FAM193A: variants seen among roughly 807,000 people sequenced by gnomAD.
FAM193A encodes protein FAM193A.
A neutral mutation model predicts 126.5 loss-of-function variants in FAM193A; 22 were observed. The ratio of observed to expected loss-of-function variants is 0.17; its 90% CI spans 0.12 to 0.25. The LOEUF is 0.25. Among genes scored for constraint, FAM193A ranks in the 10% least tolerant of loss-of-function variants. The probability of loss-of-function intolerance (pLI) is 1.00; values close to 1 mark genes in which losing one functional copy is unlikely to be tolerated. For missense variants in FAM193A, 1,675 were observed against 1,672.8 expected (o/e 1.00, Z -0.02); for synonymous variants, 761 against 646.8 (o/e 1.18, Z -2.68).
chr4:2,577,118 C>T (rs1014983700), intron 1 of FAM193A, among the ~76,000 whole-genome samples: 4 of 151,932 alleles, frequency 2.6e-5, no homozygotes, highest in African/African-American at 9.7e-5. Context: ...TTATGGGGTC[C>T]GTGTAATATT....
chr4:2,668,113 C>T (rs959376304), intron 12 of FAM193A, among the ~76,000 whole-genome samples: 1 of 152,004 alleles, frequency 6.6e-6, no homozygotes, highest in Non-Finnish European at 1.5e-5. Flanking sequence ...CTGTGTTGCC[C>T]AAGTTTGTCT....
At chr4:2,613,767 TC>T (rs1336498572) in intron 2 of FAM193A, among the ~76,000 whole-genome samples, 3,532 of 97,414 alleles carry the variant, frequency 0.036, 161 homozygotes, top group African/African-American at 0.16. Context: ...TTTTTTTTTT[TC>T]TTTTTCTTTT....
intron 20 of FAM193A, among the ~76,000 whole-genome samples, chr4:2,729,639 C>A (rs541096745): frequency 6.6e-6 from 1 of 152,278 alleles, no homozygotes; most frequent in Non-Finnish European, 1.5e-5. Context: ...CAGACACATA[C>A]GGATTCGCCA....
chr4:2,639,840 G>A lies in FAM193A; in HGVS notation c.1144G>A (p.Ala382Thr), dbSNP rs751278090. The A allele has an allele frequency of 2.2e-5, 36 of 1,613,760 alleles. No homozygotes were observed. The highest frequency in any genetic ancestry group is 2.5e-5 in the Non-Finnish European group (30 of 1,179,926). The part of the protein sequence containing the change: ...SEPLLQSNLP[A>T]LVSQIRLGTT... ...GCCACTTCTTCAGAGCAACTTGCCC[G>A]CACTGGTGTCACAGATCAGGTATTT... Residue 382 changes from alanine (A) to threonine (T), a missense_variant, in exon 6 of 21, where the codon GCA becomes ACA. Physicochemically the swap from Ala to Thr is moderately conservative, Grantham distance 58. Transcript: ENST00000637812.
chr4:2,658,073 T>A (rs1711928463), intron 8 of FAM193A, among the ~76,000 whole-genome samples, 193 bp downstream of exon 8: 1 of 152,220 alleles, frequency 6.6e-6, no homozygotes, highest in South Asian at 2.1e-4. Flanking sequence ...TATTTCCTTA[T>A]CTTCCATATA....
intron 19 of FAM193A, among the ~76,000 whole-genome samples, chr4:2,711,265 G>A (rs1019268488): frequency 1.3e-5 from 2 of 152,022 alleles, no homozygotes; most frequent in Non-Finnish European, 2.9e-5. Context: ...TCAGCACGTG[G>A]AACTTTCCTC....
intron 4 of FAM193A, among the ~76,000 whole-genome samples, chr4:2,626,910 T>G (rs1743021499): frequency 6.6e-6 from 1 of 152,188 alleles, no homozygotes. Context: ...ACAAGCACTC[T>G]TGCCTTTATC....
chr4:2,546,703 G>A (rs1255830980), intron 1 of FAM193A, among the ~76,000 whole-genome samples: 1 of 152,096 alleles, frequency 6.6e-6, no homozygotes, highest in Non-Finnish European at 1.5e-5. Context: ...TGAGGTTTTG[G>A]TGATTATAAA....
At chr4:2,606,874 A>G (rs1741580356) in intron 2 of FAM193A, among the ~76,000 whole-genome samples, 1 of 152,228 alleles carries the variant, frequency 6.6e-6, no homozygotes, top group Non-Finnish European at 1.5e-5. Context: ...TTTTGCTCAG[A>G]AAAATTATGA....
Position 2,676,973 on chromosome 4 carries a change from G to C in FAM193A, c.2331+4601G>C, listed in dbSNP as rs1268024579. ...AAAAAATTTTCATGCAGTCCAATTT[G>C]TCTATTCTTTGTTGCCTGTGCCTTT... On this transcript the variant is annotated intron_variant, in intron 13 of 20. Coordinates refer to ENST00000637812, the MANE Select transcript of FAM193A (RefSeq NM_001366318.2). Among the ~76,000 whole-genome samples the C allele has an allele frequency of 2.6e-5, 4 of 151,998 alleles. No homozygotes were observed. The South Asian group carries it at 8.3e-4, about 32-fold the overall frequency.
chr4:2,708,311 G>A lies in FAM193A; in HGVS notation c.4373-7712G>A, dbSNP rs996792323. On this transcript the variant is annotated intron_variant, in intron 19 of 20. Transcript: ENST00000637812. ...CAGCTAATTTTTTGTATTTAGTAGAGATAGAGTTTCACCATGTTGGTCAAG... is the reference window on the plus strand; with the variant it reads ...CAGCTAATTTTTTGTATTTAGTAGAAATAGAGTTTCACCATGTTGGTCAAG... 3 of 312,044 alleles carry A rather than the reference G, an allele frequency of 9.6e-6. No homozygotes were observed. The Admixed American group carries it at 1.2e-4, about 13-fold the overall frequency. The allele number at this position is 312,044 out of a possible 1,614,324, so 19.3% of individuals were successfully genotyped here.
chr4:2,571,654 C>T (rs1051123033), intron 1 of FAM193A, among the ~76,000 whole-genome samples: 4 of 151,790 alleles, frequency 2.6e-5, no homozygotes, highest in African/African-American at 7.3e-5. Context: ...GATTCTCTCA[C>T]CTCAGCTTCC....
At chr4:2,710,125 T>C (rs1718747154) in intron 19 of FAM193A, among the ~76,000 whole-genome samples, 1 of 151,668 alleles carries the variant, frequency 6.6e-6, no homozygotes, top group African/African-American at 2.4e-5. Context: ...TTTAAAATCA[T>C]CTGAGTTTAT....
intron 6 of FAM193A, among the ~76,000 whole-genome samples, chr4:2,642,196 C>T (rs533430388): frequency 7.3e-5 from 11 of 150,640 alleles, no homozygotes; most frequent in African/African-American, 1.2e-4. Context: ...CCCAGCTACC[C>T]GGGAGGCTGA....
At chr4:2,561,943 C>A (rs1480946424) in intron 1 of FAM193A, among the ~76,000 whole-genome samples, 1 of 152,080 alleles carries the variant, frequency 6.6e-6, no homozygotes, top group South Asian at 2.1e-4. Flanking sequence ...ACTCTTCTTC[C>A]CATATTACAA....
intron 2 of FAM193A, chr4:2,607,728 C>G (rs975023131): frequency 3.1e-5 from 11 of 355,948 alleles, no homozygotes; most frequent in African/African-American, 2.4e-4. Flanking sequence ...CTTACCCTCG[C>G]TGCGGCTCTA....
In FAM193A at chr4:2,637,517, A is replaced by C. The variant is rs148942165; in HGVS notation, c.1039-2218A>C. ...CCCGTTATTTCAGTCTATTGTAGGA[A>C]CTACATTCTAAACATCTTCTCTTCC... On this transcript the variant is annotated intron_variant, in intron 5 of 20. Coordinates refer to ENST00000637812, the MANE Select transcript of FAM193A (RefSeq NM_001366318.2). Among the ~76,000 whole-genome samples, 881 of 152,366 alleles carry C rather than the reference A, an allele frequency of 5.8e-3. 8 individuals are homozygous for C. The highest frequency in any genetic ancestry group is 0.01 in the Non-Finnish European group (701 of 68,034).
chr4:2,643,835 G>A (rs907356097), intron 6 of FAM193A, among the ~76,000 whole-genome samples: 1 of 152,128 alleles, frequency 6.6e-6, no homozygotes, highest in East Asian at 1.9e-4. Flanking sequence ...AGGCGTAGGC[G>A]GGGGGTGTTT....
In FAM193A at chr4:2,557,209, C is replaced by T. The variant is rs1738312366; in HGVS notation, c.255+20039C>T. On this transcript the variant is annotated intron_variant, in intron 1 of 20. Transcript: ENST00000637812. ...TAAAAGTTATGTGAATGTGGTATCT[C>T]TCTCTCAGAATATCTTATTATACTG... Among the ~76,000 whole-genome samples the T allele has an allele frequency of 2.0e-5, 3 of 152,206 alleles. 1 individual carries two copies. Among genetic ancestry groups the T allele is most frequent in the South Asian group, 4.1e-4 (2 of 4,820 alleles).
Sources: gnomAD v4.1 joint callset for allele counts (sites outside exome capture counted in the v4.1 genomes callset) on GRCh38, gnomAD v4.1.1 for gene constraint, MANE v1.5 for transcripts, NCBI Gene and HGNC (gene_info 2026-07-23, HGNC 2026-07-21) for gene names.